The following MSN variants were observed in gnomAD, a reference collection of about 807,000 sequenced individuals.
MSN encodes epididymis luminal protein 70.
A neutral mutation model predicts 48.0 loss-of-function variants in MSN; 2 were observed. The ratio of observed to expected loss-of-function variants is 0.04; its 90% CI spans 0.02 to 0.13. The LOEUF (loss-of-function observed/expected upper bound fraction) is 0.13, where lower values mean the gene tolerates loss of function less well. Ranked by LOEUF, MSN falls within the 10% of genes least tolerant of loss-of-function variation. The pLI, the probability that MSN is intolerant of heterozygous loss-of-function variation, is 1.00. For missense variants in MSN, 267 were observed against 470.1 expected (o/e 0.57, Z 3.99); for synonymous variants, 146 against 166.9 (o/e 0.87, Z 0.97).
At chrX:65,612,267 C>A (rs759266089) in intron 1 of MSN, among the ~76,000 whole-genome samples, 1 of 111,185 alleles carries the variant, frequency 9.0e-6, no homozygotes, top group Admixed American at 9.6e-5. Flanking sequence ...TGCCCTCTAG[C>A]CTTCCACTAT....
At chrX:65,653,081 G>T (rs1473546467) in intron 1 of MSN, among the ~76,000 whole-genome samples, 3 of 111,901 alleles carry the variant, frequency 2.7e-5, no homozygotes, top group African/African-American at 9.7e-5. Flanking sequence ...AGTAGAACCA[G>T]ACCTCTTGGC....
At chrX:65,738,880 G>T in intron 11 of MSN, 90 bp from the exon 12 acceptor site, 1 of 953,687 alleles carries the variant, frequency 1.0e-6, no homozygotes, top group Non-Finnish European at 1.5e-6. Context: ...CCTGGTGCCT[G>T]CCTCTTGCCA....
At chrX:65,661,219 C>T (rs1463129107) in intron 1 of MSN, among the ~76,000 whole-genome samples, 2 of 112,029 alleles carry the variant, frequency 1.8e-5, no homozygotes, top group Non-Finnish European at 3.8e-5. Context: ...CCGCCTCAGT[C>T]TCTCAAACTG....
At chrX:65,620,598 G>A (rs1325001008) in intron 1 of MSN, among the ~76,000 whole-genome samples, 3 of 112,586 alleles carry the variant, frequency 2.7e-5, no homozygotes, top group Non-Finnish European at 5.6e-5. Context: ...ACTGACCTGC[G>A]CCCACTGTCT....
At chrX:65,715,011 G>C (rs1403840804) in intron 1 of MSN, among the ~76,000 whole-genome samples, 2 of 111,885 alleles carry the variant, frequency 1.8e-5, no homozygotes, top group Middle Eastern at 4.2e-3. Flanking sequence ...AGATAAGGAT[G>C]GGGTCCAGTT....
chrX:65,599,678 T>C (rs149334633), intron 1 of MSN, among the ~76,000 whole-genome samples: 3,213 of 111,632 alleles, frequency 0.029, 129 homozygotes, highest in African/African-American at 0.098. Flanking sequence ...GGTGCAGAAC[T>C]GGGTGGTTCT....
intron 1 of MSN, among the ~76,000 whole-genome samples, chrX:65,690,410 C>T (rs1229729840): frequency 9.0e-6 from 1 of 111,383 alleles, no homozygotes; most frequent in African/African-American, 3.3e-5. Context: ...TAGTTATGGC[C>T]CCCAACCCAA....
chrX:65,628,808 T>C (rs1011331940), intron 1 of MSN, among the ~76,000 whole-genome samples: 2 of 110,948 alleles, frequency 1.8e-5, no homozygotes, highest in Non-Finnish European at 3.8e-5. Context: ...ATCACACCTG[T>C]AATCCTAACA....
intron 12 of MSN, 38 bp downstream of exon 12, chrX:65,739,232 C>T: frequency 8.8e-7 from 1 of 1,130,166 alleles, no homozygotes; most frequent in Non-Finnish European, 1.2e-6. Flanking sequence ...AAACTATATG[C>T]ATTGATTTAG....
chrX:65,612,410 C>T (rs975464789), intron 1 of MSN, among the ~76,000 whole-genome samples: 1 of 111,424 alleles, frequency 9.0e-6, no homozygotes, highest in Non-Finnish European at 1.9e-5. Flanking sequence ...GTTATAGCAG[C>T]ACAAAATGGA....
intron 1 of MSN, among the ~76,000 whole-genome samples, chrX:65,605,620 A>G (rs1223910276): frequency 1.8e-5 from 2 of 112,098 alleles, no homozygotes; most frequent in Non-Finnish European, 3.8e-5. Context: ...ATTTTTTGCT[A>G]TAGCCCAAAA....
At chrX:65,618,336 G>A (rs929995191) in intron 1 of MSN, among the ~76,000 whole-genome samples, 1 of 111,131 alleles carries the variant, frequency 9.0e-6, no homozygotes, top group African/African-American at 3.3e-5. Flanking sequence ...TAATGTGTGG[G>A]AGTCTAAGTC....
intron 1 of MSN, among the ~76,000 whole-genome samples, chrX:65,646,484 A>G (rs1488424296): frequency 2.7e-5 from 3 of 111,980 alleles, no homozygotes; most frequent in African/African-American, 6.5e-5. Context: ...CTGAGCTGTT[A>G]CAATGGCTTC....
At chrX:65,627,284 C>A (rs73629462) in intron 1 of MSN, among the ~76,000 whole-genome samples, 1 of 109,516 alleles carries the variant, frequency 9.1e-6, no homozygotes, top group African/African-American at 3.3e-5. Context: ...ATGTATTAGT[C>A]CATATGTATT....
At chrX:65,612,887 T>A (rs1198904385) in intron 1 of MSN, among the ~76,000 whole-genome samples, 3 of 108,705 alleles carry the variant, frequency 2.8e-5, no homozygotes, top group Non-Finnish European at 3.8e-5. Flanking sequence ...CGATACAACT[T>A]TTTTTTATAT....
chrX:65,660,398 G>A (rs903371709), intron 1 of MSN, among the ~76,000 whole-genome samples: 13 of 111,413 alleles, frequency 1.2e-4, no homozygotes, highest in Non-Finnish European at 2.1e-4. Flanking sequence ...GAGATTATGT[G>A]GTTTTCTAGG....
intron 1 of MSN, among the ~76,000 whole-genome samples, chrX:65,656,138 G>A (rs973223094): frequency 2.7e-5 from 3 of 112,225 alleles, no homozygotes; most frequent in African/African-American, 9.7e-5. Flanking sequence ...GTGCTCTGGT[G>A]ATGGACATTT....
chrX:65,727,700 C>T (rs751719001), intron 2 of MSN, 114 bp from the exon 3 acceptor site: 175 of 530,676 alleles, frequency 3.3e-4, no homozygotes, highest in South Asian at 3.0e-3. Flanking sequence ...AGATGCTGAG[C>T]ACCTTAAACC....
Position 65,731,025 on chromosome X carries a change from C to T in MSN, c.468-82C>T, listed in dbSNP as rs1407864369. On this transcript the variant is annotated intron_variant, in intron 4 of 12. Coordinates refer to ENST00000360270, the MANE Select transcript of MSN (RefSeq NM_002444.3). ...CTCTACATCCTCTTTGCATCAGCCC[C>T]TTAGAAAGCTAAATGGGCTTCCCTT... 6.0e-6 allele frequency: 5 copies of T among 831,104 alleles called. No homozygotes were observed. In the South Asian group the frequency reaches 7.6e-5, roughly 13 times the overall value. The allele number at this position is 831,104 out of a possible 1,213,427, so 68.5% of individuals were successfully genotyped here.
Sources: allele counts gnomAD v4.1 joint callset (sites outside exome capture counted in the v4.1 genomes callset), GRCh38; gene constraint gnomAD v4.1.1; transcripts MANE v1.5; gene names NCBI Gene and HGNC (gene_info 2026-07-23, HGNC 2026-07-21).